Variants in KHNYN observed in about 807,000 individuals in gnomAD.
The protein encoded by KHNYN is protein KHNYN.
KHNYN carries 42 observed loss-of-function variants against 62.7 expected under a neutral mutation model. The ratio of observed to expected loss-of-function variants is 0.67; its 90% CI spans 0.52 to 0.87. The LOEUF (loss-of-function observed/expected upper bound fraction) is 0.87. Ranked by LOEUF, KHNYN falls within the 40% of genes least tolerant of loss-of-function variation. The pLI is 0.00. For synonymous variants in KHNYN, 347 were observed against 345.6 expected, an observed-to-expected ratio of 1.00 and a Z score of -0.04; for missense variants, 829 against 874.1, an observed-to-expected ratio of 0.95 and a Z score of 0.65.
chr14:24,427,997 G>T, upstream of KHNYN: 1 of 1,611,250 alleles, frequency 6.2e-7, no homozygotes. This position sits in a 1 kb window ranked among gnomAD's most constrained non-coding sequence, Gnocchi z 4.4. Context: ...CTGGGGAGGG[G>T]AGCCCAGTTA....
Position 24,437,801 on chromosome 14 carries a change from G to A in KHNYN, c.*516G>A, listed in dbSNP as rs1013366677. On this transcript the variant is annotated 3_prime_UTR_variant, in exon 8 of 8. Coordinates refer to ENST00000553935, the MANE Select transcript of KHNYN (RefSeq NM_015299.3). The surrounding 1 kb of genome is among the most constrained non-coding windows in gnomAD (Gnocchi z 5.5). ...GAGTGAGCTAGTGAAGAAGGCAGAG[G>A]GAGACTTGGCTTCTGGTCTCAGCTA... 1 of 152,248 alleles carries A rather than the reference G, an allele frequency of 6.6e-6. No homozygotes were observed. The highest frequency in any genetic ancestry group is 2.4e-5 in the African/African-American group (1 of 41,198). The allele number at this position is 152,248 out of a possible 1,614,324, so 9.4% of individuals were successfully genotyped here. A position where few individuals can be genotyped will look rare whatever the true frequency, so the allele number is the denominator to read the frequency against.
intron 5 of KHNYN, among the ~76,000 whole-genome samples, chr14:24,434,730 T>C (rs2043179525): frequency 6.6e-6 from 1 of 152,200 alleles, no homozygotes; most frequent in African/African-American, 2.4e-5. Flanking sequence ...ATTCCCTTAA[T>C]TTGTTTCCCA....
chr14:24,428,062 C>T, upstream of KHNYN: 1 of 1,485,424 alleles, frequency 6.7e-7, no homozygotes, highest in Non-Finnish European at 9.2e-7. Context: ...GGAGCTTCCT[C>T]TTGGGAAGCT....
chr14:24,437,091 A>C lies in KHNYN; in HGVS notation c.1843A>C (p.Lys615Gln). ...TTCCAGGGGCTTTGCAGAACATGGT[A>C]AACAGCAGCAGGGGAGAGAAGAGGA... Reference protein sequence around the residue: ...HPSRGFAEHGKQQQGREEEKG... With the variant: ...HPSRGFAEHGQQQQGREEEKG... Residue 615 changes from lysine (K) to glutamine (Q), a missense_variant, in exon 8 of 8, where the codon AAA becomes CAA. By Grantham distance (53) the Lys-to-Gln change is moderately conservative (BLOSUM62 1). Around this residue, in one of 2 missense-constraint regions of KHNYN, gnomAD observed 270 missense variants for 347.1 expected, o/e 0.78. Coordinates refer to ENST00000553935, the MANE Select transcript of KHNYN (RefSeq NM_015299.3). The surrounding 1 kb of genome is among the most constrained non-coding windows in gnomAD (Gnocchi z 5.5). 1 of 1,614,170 alleles carries C rather than the reference A, an allele frequency of 6.2e-7. No homozygotes were observed. Among genetic ancestry groups the C allele is most frequent in the South Asian group, 1.1e-5 (1 of 91,078 alleles).
intron 5 of KHNYN, chr14:24,435,609 T>G (rs566953370): frequency 6.2e-6 from 1 of 161,878 alleles, no homozygotes; most frequent in Admixed American, 6.1e-5. Context: ...CATGTTGGAT[T>G]TGCAAGGGAT....
intron 1 of KHNYN, chr14:24,430,499 C>G: frequency 9.4e-6 from 13 of 1,381,600 alleles, no homozygotes; most frequent in Non-Finnish European, 1.2e-5. Context: ...CGCCCACTCT[C>G]GATAGACAGC....
intron 7 of KHNYN, 61 bp from the exon 8 acceptor site, chr14:24,436,975 A>G: frequency 1.3e-6 from 2 of 1,562,482 alleles, no homozygotes; most frequent in Non-Finnish European, 1.7e-6. Context: ...AGGGGTGCCC[A>G]CTAAGATCTA....
rs1337979411 is a variant in KHNYN, at chr14:24,438,920, T to C, written c.*1635T>C. 1 of 152,146 alleles carries C rather than the reference T, an allele frequency of 6.6e-6. No individual in the cohort carries two copies. Among genetic ancestry groups the C allele is most frequent in the African/African-American group, 2.4e-5 (1 of 41,384 alleles). The allele number at this position is 152,146 out of a possible 1,614,324, so 9.4% of individuals were successfully genotyped here. A position where few individuals can be genotyped will look rare whatever the true frequency, so the allele number is the denominator to read the frequency against. Reference sequence around the variant, plus strand: ...GTTGAATACTGCATGGCGAGTGTAATGATGATGGGGAGGGTCCTTGTGTCC... The same window carrying C: ...GTTGAATACTGCATGGCGAGTGTAACGATGATGGGGAGGGTCCTTGTGTCC... On this transcript the variant is annotated 3_prime_UTR_variant, in exon 8 of 8. Transcript: ENST00000553935.
chr14:24,438,043 T>C lies in KHNYN; in HGVS notation c.*758T>C, dbSNP rs554706771. The C allele has an allele frequency of 1.3e-5, 2 of 152,630 alleles. No individual in the cohort carries two copies. The highest frequency in any genetic ancestry group is 2.9e-5 in the Non-Finnish European group (2 of 68,040). The allele number at this position is 152,630 out of a possible 1,614,324, so 9.5% of individuals were successfully genotyped here. A position where few individuals can be genotyped will look rare whatever the true frequency, so the allele number is the denominator to read the frequency against. ...AGATGTGGGTCCTTTGTCTCCAGGA[T>C]CCACACCCTAGATTTTAACACTGCA... On this transcript the variant is annotated 3_prime_UTR_variant, in exon 8 of 8. Transcript: ENST00000553935.
intron 1 of KHNYN, 37 bp downstream of exon 1, chr14:24,430,156 G>A (rs2043077561): frequency 2.0e-6 from 2 of 983,142 alleles, no homozygotes; most frequent in Non-Finnish European, 2.4e-6. Context: ...GGAGCGGGGA[G>A]CGGGGGCCGC....
rs748265432 is a variant in KHNYN, at chr14:24,431,972, T to G, written c.711T>G (p.Thr237=). The change falls in exon 3 of 8, where the codon ACT becomes ACG. Residue 237 remains threonine, a synonymous_variant. Coordinates refer to ENST00000553935, the MANE Select transcript of KHNYN (RefSeq NM_015299.3). ...GTGACGGCAGGGAGTCCCTGGACAC[T>G]GGATCTATGGGACCCGGAGATTGCA... ...PPSDGRESLD[T]GSMGPGDCRG... 1 of 1,612,220 alleles carries G rather than the reference T, an allele frequency of 6.2e-7. No individual in the cohort carries two copies. Among genetic ancestry groups the G allele is most frequent in the Non-Finnish European group, 8.5e-7 (1 of 1,178,802 alleles).
At chr14:24,430,953 T>A (rs749038430) in intron 2 of KHNYN, 22 bp downstream of exon 2, 1 of 1,598,706 alleles carries the variant, frequency 6.3e-7, no homozygotes, top group South Asian at 1.1e-5. Flanking sequence ...CTCTCCCCCA[T>A]CCCTCCAGGC....
chr14:24,436,996 C>A (rs773294886), intron 7 of KHNYN, 40 bp from the exon 8 acceptor site: 9 of 1,586,344 alleles, frequency 5.7e-6, no homozygotes, highest in South Asian at 1.1e-5. Flanking sequence ...ATTTCCCCCC[C>A]AGGATGCTCA....
upstream of KHNYN, chr14:24,427,643 C>G (rs1246783822): frequency 6.5e-6 from 5 of 769,482 alleles, no homozygotes; most frequent in Non-Finnish European, 1.1e-5. The surrounding 1 kb of genome is among the most constrained non-coding windows in gnomAD (Gnocchi z 4.4). Flanking sequence ...TTCTCTTAAA[C>G]TTGGGTGTTT....
chr14:24,436,694 G>A (rs933573679), intron 7 of KHNYN, among the ~76,000 whole-genome samples: 2 of 152,192 alleles, frequency 1.3e-5, no homozygotes, highest in Non-Finnish European at 2.9e-5. Context: ...CCTGCTTCCT[G>A]TTTCTCTTAA....
chr14:24,428,279 A>C (rs754982424), upstream of KHNYN: 1 of 1,613,444 alleles, frequency 6.2e-7, no homozygotes, highest in South Asian at 1.1e-5. Context: ...GCCAGTGCTG[A>C]GGTCACCTGG....
upstream of KHNYN, chr14:24,428,476 G>A: frequency 1.9e-6 from 3 of 1,563,608 alleles, no homozygotes; most frequent in Admixed American, 1.8e-5. Context: ...TGGGGACTAG[G>A]GGCAGGGGCA....
chr14:24,433,643 C>G (rs779755213), intron 5 of KHNYN, among the ~76,000 whole-genome samples: 2 of 152,112 alleles, frequency 1.3e-5, no homozygotes, highest in Non-Finnish European at 2.9e-5. Context: ...TGTGAATATA[C>G]GAAAAAGATA....
the KHNYN span, among the ~76,000 whole-genome samples, chr14:24,424,052 C>A: frequency 6.6e-6 from 1 of 152,194 alleles, no homozygotes; most frequent in Non-Finnish European, 1.5e-5. Flanking sequence ...AATATTTCAA[C>A]TGAATCACTA....
Sources: allele counts gnomAD v4.1 joint callset (sites outside exome capture counted in the v4.1 genomes callset), GRCh38; gene constraint gnomAD v4.1.1; regional missense constraint gnomAD v4.1.1; non-coding constraint Gnocchi (gnomAD v3.1); transcripts MANE v1.5; gene names NCBI Gene and HGNC (gene_info 2026-07-23, HGNC 2026-07-21).